Variants in MSH3 observed in about 807,000 individuals in gnomAD.
MSH3 encodes DNA mismatch repair protein Msh3.
A neutral mutation model predicts 123.3 loss-of-function variants in MSH3; 106 were observed. The ratio of observed to expected loss-of-function variants is 0.86; its 90% CI spans 0.73 to 1.01. The LOEUF (loss-of-function observed/expected upper bound fraction) is 1.01. MSH3 is among the 50% of genes least tolerant of loss of function. The probability of loss-of-function intolerance (pLI) is 0.00; values close to 1 mark genes in which losing one functional copy is unlikely to be tolerated. For missense variants in MSH3, 1,459 were observed against 1,347.6 expected (o/e 1.08, Z -1.29); for synonymous variants, 515 against 481.4 (o/e 1.07, Z -0.91).
At chr5:80,658,104 A>G (rs1046208277) in intron 2 of MSH3, among the ~76,000 whole-genome samples, 7 of 137,068 alleles carry the variant, frequency 5.1e-5, no homozygotes, top group Non-Finnish European at 4.5e-5. Flanking sequence ...GTGCAATCTC[A>G]GCTCACTGTA....
In MSH3 at chr5:80,761,678, A is replaced by G. The variant is rs201737845; in HGVS notation, c.1896A>G (p.Lys632=). 9.5e-5 allele frequency: 154 copies of G among 1,614,030 alleles called. No homozygotes were observed. Among genetic ancestry groups the G allele is most frequent in the Middle Eastern group, 1.6e-4 (1 of 6,084 alleles). The part of the protein sequence containing the change: ...ERGLCSIYHK[K]CSTQEFFLIV... ...GACTCTGTAGCATTTATCACAAAAA[A>G]GTAAGTGTGATAGAAATCTATTAAA... Residue 632 remains lysine, a splice_region_variant and synonymous_variant, in exon 13 of 24, where the codon AAA becomes AAG. Transcript: ENST00000265081.
At chr5:80,837,370 C>T (rs767532927) in intron 20 of MSH3, among the ~76,000 whole-genome samples, 4 of 151,982 alleles carry the variant, frequency 2.6e-5, no homozygotes. Flanking sequence ...CTTGAGCTCA[C>T]AAGTTCGAGA....
At chr5:80,669,703 C>T (rs556600978) in intron 3 of MSH3, among the ~76,000 whole-genome samples, 1 of 152,176 alleles carries the variant, frequency 6.6e-6, no homozygotes, top group South Asian at 2.1e-4. Flanking sequence ...GTGGTTTTGC[C>T]CTACTCCTGA....
chr5:80,818,816 T>A (rs558752280), intron 20 of MSH3, among the ~76,000 whole-genome samples: 2 of 152,344 alleles, frequency 1.3e-5, no homozygotes, highest in Admixed American at 1.3e-4. Context: ...TTGTTTGAGC[T>A]TGATAATGGC....
Position 80,722,368 on chromosome 5 carries a change from A to C in MSH3, c.1341-3085A>C, listed in dbSNP as rs184914025. 2.5e-3 allele frequency among the ~76,000 whole-genome samples: 377 copies of C among 152,370 alleles called. 3 individuals are homozygous for C. Among genetic ancestry groups the C allele is most frequent in the African/African-American group, 8.7e-3 (363 of 41,600 alleles). On this transcript the variant is annotated intron_variant, in intron 8 of 23. Transcript: ENST00000265081. ...ATCTTAACTCAGTTGTTTATAGTAT[A>C]GCTTTACTTTACAGATAACTTTTGA...
At chr5:80,862,475 A>C (rs1001730924) in intron 21 of MSH3, among the ~76,000 whole-genome samples, 7 of 152,134 alleles carry the variant, frequency 4.6e-5, no homozygotes, top group African/African-American at 1.7e-4. Flanking sequence ...AGAATCCATG[A>C]GACTGGGTGC....
At chr5:80,819,670 A>G (rs1012735988) in intron 20 of MSH3, among the ~76,000 whole-genome samples, 1 of 151,996 alleles carries the variant, frequency 6.6e-6, no homozygotes, top group Non-Finnish European at 1.5e-5. Flanking sequence ...TATTTTTAGT[A>G]GAGAGGGGGT....
At chr5:80,789,983 A>G (rs1744580915) in intron 18 of MSH3, among the ~76,000 whole-genome samples, 1 of 152,230 alleles carries the variant, frequency 6.6e-6, no homozygotes, top group African/African-American at 2.4e-5. Context: ...AAGTTTAATA[A>G]TACCAACTTT....
chr5:80,830,853 G>A (rs991043179), intron 20 of MSH3, among the ~76,000 whole-genome samples: 2 of 152,158 alleles, frequency 1.3e-5, no homozygotes, highest in African/African-American at 2.4e-5. Flanking sequence ...GTGTTTCCAC[G>A]GAAATTGAAA....
intron 3 of MSH3, among the ~76,000 whole-genome samples, chr5:80,666,501 T>C (rs1337262235): frequency 6.6e-6 from 1 of 152,218 alleles, no homozygotes; most frequent in Non-Finnish European, 1.5e-5. Flanking sequence ...TTTAGTCTCT[T>C]TTAATACTTA....
chr5:80,869,825 CATATAT>C (rs372976811), intron 22 of MSH3, among the ~76,000 whole-genome samples: 20,297 of 86,858 alleles, frequency 0.23, 1,500 homozygotes, highest in East Asian at 0.39. Context: ...TATATATATA[CATATAT>C]ACATATATAT....
chr5:80,766,462 C>T (rs1425788958), intron 13 of MSH3, among the ~76,000 whole-genome samples: 4 of 150,944 alleles, frequency 2.6e-5, no homozygotes, highest in Non-Finnish European at 5.9e-5. Flanking sequence ...TCTCCTGCCT[C>T]GCCACCTGAG....
intron 1 of MSH3, 69 bp downstream of exon 1, chr5:80,655,033 G>A (rs1450490946): frequency 1.0e-6 from 1 of 965,338 alleles, no homozygotes; most frequent in Non-Finnish European, 1.4e-6. Context: ...TAAGGCGGGC[G>A]GAGGCGGGGA....
Position 80,819,466 on chromosome 5 carries a change from G to GTGTATA in MSH3, c.2813+5726_2813+5727insGTATAT, listed in dbSNP as rs773803699. Among the ~76,000 whole-genome samples the GTGTATA allele has an allele frequency of 6.8e-4, 99 of 145,794 alleles. 1 individual carries two copies. Among genetic ancestry groups the GTGTATA allele is most frequent in the African/African-American group, 2.1e-3 (83 of 39,162 alleles). On this transcript the variant is annotated intron_variant, in intron 20 of 23. Coordinates refer to ENST00000265081, the MANE Select transcript of MSH3 (RefSeq NM_002439.5). Reference sequence around the variant, plus strand: ...TGTATATGTGTGTGTGTGTGTGTGTGTATATATATATATAATTTTTTTTTT... The same window carrying GTGTATA: ...TGTATATGTGTGTGTGTGTGTGTGTGTGTATATATATATATATATAATTTTTTTTTT...
chr5:80,699,924 G>T (rs993026921), intron 8 of MSH3, among the ~76,000 whole-genome samples: 1 of 152,098 alleles, frequency 6.6e-6, no homozygotes, highest in African/African-American at 2.4e-5. Flanking sequence ...TGTGGTATTC[G>T]TAGGAAATCT....
chr5:80,823,297 A>G (rs905630042), intron 20 of MSH3, among the ~76,000 whole-genome samples: 16 of 152,200 alleles, frequency 1.1e-4, no homozygotes, highest in African/African-American at 3.6e-4. Flanking sequence ...AACTACCAGT[A>G]TTGGTCAAAA....
Position 80,654,689 on chromosome 5 carries a change from C to G in MSH3, c.-39C>G, listed in dbSNP as rs1105525. Reference sequence around the variant, plus strand: ...ACTGCGGCCGCGGGCTCGCGCTCCTCGCCAGGCCCTGCCGCCGGGCTGCCA... The same window carrying G: ...ACTGCGGCCGCGGGCTCGCGCTCCTGGCCAGGCCCTGCCGCCGGGCTGCCA... On this transcript the variant is annotated 5_prime_UTR_variant, in exon 1 of 24. Transcript: ENST00000265081. The G allele has an allele frequency of 3.2e-6, 5 of 1,561,816 alleles. No homozygotes were observed. In the African/African-American group the frequency reaches 7.1e-5, roughly 22 times the overall value.
At chr5:80,809,154 T>C (rs1252391559) in intron 19 of MSH3, among the ~76,000 whole-genome samples, 1 of 151,902 alleles carries the variant, frequency 6.6e-6, no homozygotes, top group Non-Finnish European at 1.5e-5. Flanking sequence ...GAATTTCATA[T>C]ATATTTTCTT....
chr5:80,806,586 T>C (rs1296473799), intron 19 of MSH3, among the ~76,000 whole-genome samples: 1 of 152,220 alleles, frequency 6.6e-6, no homozygotes, highest in Non-Finnish European at 1.5e-5. Flanking sequence ...TGGTCAGTGT[T>C]TGTGTGCAAG....
Sources: allele counts gnomAD v4.1 joint callset (sites outside exome capture counted in the v4.1 genomes callset), GRCh38; gene constraint gnomAD v4.1.1; transcripts MANE v1.5; gene names NCBI Gene and HGNC (gene_info 2026-07-23, HGNC 2026-07-21).